Variants in PEDS1 observed in about 807,000 individuals in gnomAD.
PEDS1 encodes the protein CarF homolog.
A neutral mutation model predicts 35.2 loss-of-function variants in PEDS1; 14 were observed. The observed-to-expected ratio is 0.40, with a 90% CI of 0.26 to 0.62. PEDS1 has a LOEUF of 0.62. PEDS1 is among the 20% of genes least tolerant of loss of function. The pLI, the probability that PEDS1 is intolerant of heterozygous loss-of-function variation, is 0.44. For missense variants in PEDS1, 260 were observed against 367.8 expected (o/e 0.71, Z 2.40); for synonymous variants, 152 against 152.0 (o/e 1.00, Z 0.00).
At chr20:50,138,921 C>A (rs1017816964) in intron 2 of PEDS1, among the ~76,000 whole-genome samples, 2 of 152,150 alleles carry the variant, frequency 1.3e-5, no homozygotes, top group East Asian at 3.9e-4. Context: ...TGGGCCCGTG[C>A]GGGCTTCCAT....
intron 2 of PEDS1, among the ~76,000 whole-genome samples, chr20:50,132,610 T>C (rs1220998766): frequency 6.6e-6 from 1 of 152,194 alleles, no homozygotes; most frequent in Non-Finnish European, 1.5e-5. Flanking sequence ...ATGTATATTG[T>C]TCTCCAAGCA....
At chr20:50,141,457 G>A (rs2081290906) in intron 2 of PEDS1, among the ~76,000 whole-genome samples, 1 of 152,202 alleles carries the variant, frequency 6.6e-6, no homozygotes, top group Non-Finnish European at 1.5e-5. Flanking sequence ...TTAGTCACTG[G>A]TTTTCTCAGC....
intron 1 of PEDS1, among the ~76,000 whole-genome samples, chr20:50,150,680 C>G (rs1328255687): frequency 6.6e-6 from 1 of 151,064 alleles, no homozygotes; most frequent in African/African-American, 2.5e-5. Context: ...ACTAAAATGC[C>G]AGCTCCGTTT....
chr20:50,143,344 A>G (rs905567875), intron 2 of PEDS1, among the ~76,000 whole-genome samples, 158 bp downstream of exon 2: 1 of 152,100 alleles, frequency 6.6e-6, no homozygotes, highest in African/African-American at 2.4e-5. Context: ...GGCTGCAGGG[A>G]GGTGCTGCTG....
Position 50,143,758 on chromosome 20 carries a change from T to C in PEDS1, c.122-137A>G. The C allele has an allele frequency of 7.1e-6, 10 of 1,402,658 alleles. No homozygotes were observed. The South Asian group carries it at 1.1e-4, about 15-fold the overall frequency. The allele number at this position is 1,402,658 out of a possible 1,614,324, so 86.9% of individuals were successfully genotyped here. ...TATCACCCAGGCTGGAGTGCAGTGG[T>C]GCCATCTCGGCTCACTGCAACCTCC... On this transcript the variant is annotated intron_variant, in intron 1 of 5. Transcript: ENST00000371652.
At position 50,125,250 on chromosome 20, in the gene PEDS1, C is replaced by T. The variant is rs550676715; in HGVS notation, c.692-71G>A. On this transcript the variant is annotated intron_variant, in intron 5 of 5. Transcript: ENST00000371652. ...AAGGGGACATTGGAAGAGAGCTGAC[C>T]TTCACTGGGCTGGAGGGGCCCAATG... 5.5e-5 allele frequency: 87 copies of T among 1,576,170 alleles called. 2 individuals carry two copies. The South Asian group carries it at 9.4e-4, about 17-fold the overall frequency.
At chr20:50,140,688 A>G (rs767570104) in intron 2 of PEDS1, among the ~76,000 whole-genome samples, 4 of 152,060 alleles carry the variant, frequency 2.6e-5, no homozygotes, top group Non-Finnish European at 4.4e-5. Context: ...TTGCTTCCCA[A>G]TGCTGCATCA....
chr20:50,151,504 G>T (rs894004579), intron 1 of PEDS1, among the ~76,000 whole-genome samples: 9 of 152,172 alleles, frequency 5.9e-5, no homozygotes, highest in African/African-American at 2.2e-4. Flanking sequence ...ATTCCCAGGT[G>T]GGGAGTTTGA....
At chr20:50,127,340 G>GT (rs11471254) in intron 5 of PEDS1, among the ~76,000 whole-genome samples, 2,907 of 87,164 alleles carry the variant, frequency 0.033, 45 homozygotes, top group Non-Finnish European at 0.04. Flanking sequence ...GTGTTTTCTG[G>GT]TTTTTTTTTT....
intron 1 of PEDS1, among the ~76,000 whole-genome samples, chr20:50,152,072 T>C (rs962598732): frequency 3.9e-5 from 6 of 152,176 alleles, no homozygotes; most frequent in Non-Finnish European, 8.8e-5. Context: ...ATGTTAACCC[T>C]GGCCTACCCC....
chr20:50,142,170 G>A (rs73278551), intron 2 of PEDS1, among the ~76,000 whole-genome samples: 3 of 152,204 alleles, frequency 2.0e-5, no homozygotes, highest in Non-Finnish European at 2.9e-5. Context: ...CAACCTTAGC[G>A]TAAGAAGTGA....
chr20:50,134,471 T>C (rs953778585), intron 2 of PEDS1, among the ~76,000 whole-genome samples: 5 of 152,070 alleles, frequency 3.3e-5, no homozygotes, highest in Non-Finnish European at 5.9e-5. Context: ...GGCTTGAACC[T>C]GGGAGGCGGA....
chr20:50,153,428 T>C, intron 1 of PEDS1, 89 bp downstream of exon 1: 1 of 1,236,360 alleles, frequency 8.1e-7, no homozygotes, highest in Non-Finnish European at 1.0e-6. Flanking sequence ...GTTCCGCATC[T>C]GGGCCCGAGG....
At chr20:50,126,999 T>A (rs1480462531) in intron 5 of PEDS1, among the ~76,000 whole-genome samples, 1 of 152,152 alleles carries the variant, frequency 6.6e-6, no homozygotes, top group East Asian at 1.9e-4. Flanking sequence ...CTTCCATTGC[T>A]CTGCCTCAAC....
chr20:50,153,601 C>G lies in PEDS1; in HGVS notation c.37G>C (p.Glu13Gln). ...GAENWPGQQL[E>Q]LDEDEASCCR... ...CAAGACGCCTCGTCCTCGTCCAGCT[C>G]CAGCTGCTGGCCCGGCCAGTTCTCG... Residue 13 changes from glutamate (E) to glutamine (Q), a missense_variant, in exon 1 of 6, where the codon GAG becomes CAG. Transcript: ENST00000371652. 1 of 1,408,540 alleles carries G rather than the reference C, an allele frequency of 7.1e-7. No homozygotes were observed. Among genetic ancestry groups the G allele is most frequent in the Non-Finnish European group, 9.3e-7 (1 of 1,073,526 alleles). 87.3% of individuals were successfully genotyped at this position (1,408,540 alleles called of 1,614,324 possible).
At chr20:50,126,003 G>A (rs2147267208) in intron 5 of PEDS1, among the ~76,000 whole-genome samples, 1 of 152,068 alleles carries the variant, frequency 6.6e-6, no homozygotes, top group East Asian at 1.9e-4. Flanking sequence ...GGGATTACAC[G>A]CGTGAACCAC....
rs2081071738 is a variant in PEDS1 at position 50,123,827 on chromosome 20, G to A, written c.*1231C>T. On this transcript the variant is annotated 3_prime_UTR_variant, in exon 6 of 6. Transcript: ENST00000371652. ...TTTCCCAGGAGGTCAGCTCCACCAGGATAGGTCTTTGTTGGTTCTTTCACC... is the reference window on the plus strand; with the variant it reads ...TTTCCCAGGAGGTCAGCTCCACCAGAATAGGTCTTTGTTGGTTCTTTCACC... 6.6e-6 allele frequency: 1 copy of A among 152,242 alleles called. No individual in the cohort carries two copies. The highest frequency in any genetic ancestry group is 2.1e-4 in the South Asian group (1 of 4,828). The allele number at this position is 152,242 out of a possible 1,614,324, so 9.4% of individuals were successfully genotyped here. A position where few individuals can be genotyped will look rare whatever the true frequency, so the allele number is the denominator to read the frequency against.
intron 2 of PEDS1, among the ~76,000 whole-genome samples, chr20:50,134,455 G>C (rs1257815936): frequency 6.6e-6 from 1 of 152,254 alleles, no homozygotes; most frequent in East Asian, 1.9e-4. Context: ...GCTGAGGCAG[G>C]AGAATGGCTT....
chr20:50,149,842 C>G (rs1027431366), intron 1 of PEDS1, among the ~76,000 whole-genome samples: 1 of 152,148 alleles, frequency 6.6e-6, no homozygotes, highest in Non-Finnish European at 1.5e-5. Context: ...ACCTAGCGCA[C>G]CCCCACCCGG....
Sources: gnomAD v4.1 joint callset for allele counts (sites outside exome capture counted in the v4.1 genomes callset) on GRCh38, gnomAD v4.1.1 for gene constraint, MANE v1.5 for transcripts, NCBI Gene and HGNC (gene_info 2026-07-23, HGNC 2026-07-21) for gene names.